Variants in NIPAL3 observed in about 807,000 individuals in gnomAD.
NIPAL3 encodes NIPA like domain containing 3, also known as NIPA-like protein 3.
NIPAL3 carries 41 observed loss-of-function variants against 47.2 expected under a neutral mutation model. The observed-to-expected ratio is 0.87, with a 90% CI of 0.68 to 1.13. NIPAL3 has a LOEUF of 1.13. Ranked by LOEUF, NIPAL3 falls within the 50% of genes most tolerant of loss-of-function variation. NIPAL3 has a pLI of 0.00. For synonymous variants in NIPAL3, 194 were observed against 209.6 expected, an observed-to-expected ratio of 0.93 and a Z score of 0.64; for missense variants, 449 against 530.1, an observed-to-expected ratio of 0.85 and a Z score of 1.50.
intron 8 of NIPAL3, chr1:24,457,923 C>A: frequency 2.2e-6 from 1 of 444,914 alleles, no homozygotes. Context: ...CCAGTCATCA[C>A]CTGGAAGCCC....
chr1:24,437,251 CA>C (rs1469533939), intron 2 of NIPAL3, among the ~76,000 whole-genome samples: 2 of 151,842 alleles, frequency 1.3e-5, no homozygotes, highest in Non-Finnish European at 2.9e-5. Flanking sequence ...GACTCCATCT[CA>C]AAAAAATATT....
intron 8 of NIPAL3, chr1:24,457,846 T>G: frequency 1.9e-6 from 1 of 532,292 alleles, no homozygotes; most frequent in South Asian, 1.4e-5. Flanking sequence ...AAACATGAGC[T>G]GCTTCTATGA....
At chr1:24,431,287 G>A (rs1276003854) in intron 2 of NIPAL3, among the ~76,000 whole-genome samples, 2 of 152,184 alleles carry the variant, frequency 1.3e-5, no homozygotes, top group African/African-American at 4.8e-5. Context: ...ATGTACCAGA[G>A]TAAGATTCTA....
At position 24,449,187 on chromosome 1, in the gene NIPAL3, C is replaced by G. The variant is rs1289819767; in HGVS notation, c.395-294C>G. Among the ~76,000 whole-genome samples, 1 of 152,238 alleles carries G rather than the reference C, an allele frequency of 6.6e-6. No homozygotes were observed. Among genetic ancestry groups the G allele is most frequent in the African/African-American group, 2.4e-5 (1 of 41,460 alleles). ...AATTTCAGTATCTGGCTAATGTTCT[C>G]TTTCTCCATCTGGGAGCTGGTTTCA... On this transcript the variant is annotated intron_variant, in intron 5 of 11. Transcript: ENST00000374399. The surrounding 1 kb of genome is among the most constrained non-coding windows in gnomAD (Gnocchi z 4.5).
At chr1:24,458,326 T>C (rs564982798) in intron 8 of NIPAL3, among the ~76,000 whole-genome samples, 2 of 152,308 alleles carry the variant, frequency 1.3e-5, no homozygotes, top group African/African-American at 4.8e-5. Flanking sequence ...TAAGCAACTA[T>C]GCAGAGAAAG....
chr1:24,468,999 G>T lies in NIPAL3; in HGVS notation c.1035G>T (p.Met345Ile), dbSNP rs1207490053. The change falls in exon 12 of 12, where the codon ATG becomes ATT. Residue 345 changes from methionine to isoleucine, a missense_variant. Transcript: ENST00000374399. Reference sequence around the variant, plus strand: ...ATTTCATTTCAGGTATGCAGAACATGCACGATAAAGGGATGACTGTCCAGC... The same window carrying T: ...ATTTCATTTCAGGTATGCAGAACATTCACGATAAAGGGATGACTGTCCAGC... ...SMDAMPGMQN[M>I]HDKGMTVQPE... The T allele has an allele frequency of 1.9e-6, 3 of 1,614,010 alleles. No individual in the cohort carries two copies. The African/African-American group carries it at 4.0e-5, about 22-fold the overall frequency.
At chr1:24,461,200 C>A (rs960903086) in intron 10 of NIPAL3, among the ~76,000 whole-genome samples, 4 of 152,078 alleles carry the variant, frequency 2.6e-5, no homozygotes, top group African/African-American at 9.7e-5. Flanking sequence ...AAACTTGAGG[C>A]CAGTCTGTAG....
At chr1:24,466,301 T>TA (rs1231673075) in intron 11 of NIPAL3, 1 of 400,472 alleles carries the variant, frequency 2.5e-6, no homozygotes, top group Admixed American at 4.2e-5. Flanking sequence ...GTTTTTTTCC[T>TA]AAAATTAAAA....
intron 5 of NIPAL3, among the ~76,000 whole-genome samples, chr1:24,445,496 CTAT>C (rs902227515): frequency 3.9e-5 from 6 of 152,114 alleles, no homozygotes; most frequent in African/African-American, 1.2e-4. Flanking sequence ...TTTTGAGCAT[CTAT>C]TATTGGGATT....
chr1:24,449,710 T>G lies in NIPAL3; in HGVS notation c.540+84T>G, dbSNP rs1303108461. Reference sequence around the variant, plus strand: ...AACCAGAAACGTGAATACCCAGCAATAGGGGATTCCGTGAGTTGCGGCACA... The same window carrying G: ...AACCAGAAACGTGAATACCCAGCAAGAGGGGATTCCGTGAGTTGCGGCACA... On this transcript the variant is annotated intron_variant, in intron 6 of 11. Transcript: ENST00000374399. This position sits in a 1 kb window ranked among gnomAD's most constrained non-coding sequence, Gnocchi z 4.5. 4 of 1,421,606 alleles carry G rather than the reference T, an allele frequency of 2.8e-6. No homozygotes were observed. Among genetic ancestry groups the G allele is most frequent in the South Asian group, 2.6e-5 (2 of 77,494 alleles). 88.1% of individuals were successfully genotyped at this position (1,421,606 alleles called of 1,614,324 possible). A position where few individuals can be genotyped will look rare whatever the true frequency, so the allele number is the denominator to read the frequency against.
intron 2 of NIPAL3, among the ~76,000 whole-genome samples, chr1:24,426,528 C>G (rs775327149): frequency 6.6e-6 from 1 of 152,172 alleles, no homozygotes; most frequent in Non-Finnish European, 1.5e-5. Flanking sequence ...CTGCTGACTT[C>G]AGGTGATCTG....
In NIPAL3 at chr1:24,456,179, CT is replaced by C. The variant is rs775906837; in HGVS notation, c.681del (p.Val228SerfsTer17). On this transcript the variant is annotated frameshift_variant, in exon 8 of 12. Transcript: ENST00000374399. LOFTEE classifies it high-confidence loss of function. ...VVTVKAVAGM[L>X]VLSIQGNLQL... ...GACAGTCAAGGCCGTGGCTGGGATGCTTGTCTTGTCCATTCAAGGGAACCTG... is the reference window on the plus strand; with the variant it reads ...GACAGTCAAGGCCGTGGCTGGGATGCTGTCTTGTCCATTCAAGGGAACCTG... The C allele has an allele frequency of 1.9e-6, 3 of 1,614,208 alleles. No homozygotes were observed.
At chr1:24,448,370 C>A (rs192089517) in intron 5 of NIPAL3, among the ~76,000 whole-genome samples, 119 of 152,212 alleles carry the variant, frequency 7.8e-4, no homozygotes, top group African/African-American at 2.7e-3. Context: ...AGATAAGAGC[C>A]ATGCCACCTG....
At position 24,472,170 on chromosome 1, in the gene NIPAL3, G is replaced by A. The variant is rs1347514845; in HGVS notation, c.*2985G>A. 3 of 152,222 alleles carry A rather than the reference G, an allele frequency of 2.0e-5. No individual in the cohort carries two copies. Among genetic ancestry groups the A allele is most frequent in the African/African-American group, 7.2e-5 (3 of 41,534 alleles). 9.4% of individuals were successfully genotyped at this position (152,222 alleles called of 1,614,324 possible). On this transcript the variant is annotated 3_prime_UTR_variant, in exon 12 of 12. Transcript: ENST00000374399. ...AGGCCTGGGAAGCTCCCTTGCCTTCGGGTTTGGAGCAGTGGCATCATCCCA... is the reference window on the plus strand; with the variant it reads ...AGGCCTGGGAAGCTCCCTTGCCTTCAGGTTTGGAGCAGTGGCATCATCCCA...
At chr1:24,455,036 G>A (rs1028233845) in intron 7 of NIPAL3, among the ~76,000 whole-genome samples, 2 of 152,270 alleles carry the variant, frequency 1.3e-5, no homozygotes, top group Admixed American at 1.3e-4. Flanking sequence ...CTGATGACAA[G>A]TGCCTAAGTG....
At chr1:24,453,386 C>T in intron 6 of NIPAL3, 22 bp from the exon 7 acceptor site, 4 of 1,599,152 alleles carry the variant, frequency 2.5e-6, no homozygotes, top group East Asian at 2.2e-5. Flanking sequence ...CCACTGACCC[C>T]CCTGCTTGCT....
rs532487035 is a variant in NIPAL3, at chr1:24,416,085, G to T, written c.-258+181G>T. 1.5e-3 allele frequency: 1,491 copies of T among 985,544 alleles called. 1 individual carries two copies. The highest frequency in any genetic ancestry group is 1.7e-3 in the Non-Finnish European group (1,447 of 830,026). 61.0% of individuals were successfully genotyped at this position (985,544 alleles called of 1,614,324 possible). On this transcript the variant is annotated intron_variant, in intron 1 of 11. Transcript: ENST00000374399. This position sits in a 1 kb window ranked among gnomAD's most constrained non-coding sequence, Gnocchi z 4.8. ...CTTTCCAGTTTTGCATCGAGGCCAA[G>T]AGGAGCGGGGGCATGGGCTACCTTA...
chr1:24,461,538 G>A (rs1300337138), intron 10 of NIPAL3, among the ~76,000 whole-genome samples: 7 of 143,168 alleles, frequency 4.9e-5, no homozygotes, highest in African/African-American at 8.2e-5. Flanking sequence ...GCAAAATTCC[G>A]TCTCAAAAAA....
At chr1:24,444,681 C>T (rs573038480) in intron 4 of NIPAL3, among the ~76,000 whole-genome samples, 2 of 152,146 alleles carry the variant, frequency 1.3e-5, no homozygotes, top group East Asian at 3.9e-4. Context: ...GTCCCAAGGG[C>T]GTTTGAGTAC....
Sources: gnomAD v4.1 joint callset for allele counts (sites outside exome capture counted in the v4.1 genomes callset) on GRCh38, gnomAD v4.1.1 for gene constraint, Gnocchi (gnomAD v3.1) non-coding constraint, MANE v1.5 for transcripts, NCBI Gene and HGNC (gene_info 2026-07-23, HGNC 2026-07-21) for gene names.